Variants in NELL1 observed in about 807,000 individuals in gnomAD.
NELL1 encodes the protein neural EGFL like 1.
NELL1 carries 76 observed loss-of-function variants against 107.4 expected under a neutral mutation model. That is an observed-to-expected ratio of 0.71 (90% confidence interval 0.59 to 0.86). The LOEUF (loss-of-function observed/expected upper bound fraction) is 0.86. Among genes scored for constraint, NELL1 ranks in the 40% least tolerant of loss-of-function variants. The probability of loss-of-function intolerance (pLI) is 0.00; values close to 1 mark genes in which losing one functional copy is unlikely to be tolerated. For synonymous variants in NELL1, 353 were observed against 341.2 expected, an observed-to-expected ratio of 1.03 and a Z score of -0.38; for missense variants, 1,024 against 1,005.5, an observed-to-expected ratio of 1.02 and a Z score of -0.25.
chr11:21,188,731 G>T (rs964713878), intron 13 of NELL1, among the ~76,000 whole-genome samples: 1 of 151,944 alleles, frequency 6.6e-6, no homozygotes, highest in Admixed American at 6.5e-5. Context: ...CCATTTACCT[G>T]CTCTGAAGTG....
chr11:21,045,285 A>C (rs1853328714), intron 12 of NELL1, among the ~76,000 whole-genome samples: 1 of 152,124 alleles, frequency 6.6e-6, no homozygotes, highest in Non-Finnish European at 1.5e-5. Flanking sequence ...TGGTTATGAT[A>C]AGGCGAGGGT....
At chr11:21,245,200 A>G (rs1342197283) in intron 14 of NELL1, among the ~76,000 whole-genome samples, 1 of 152,034 alleles carries the variant, frequency 6.6e-6, no homozygotes, top group East Asian at 1.9e-4. Flanking sequence ...AACTAAAACT[A>G]CTCATAGTTT....
intron 3 of NELL1, among the ~76,000 whole-genome samples, chr11:20,811,014 T>C (rs1446421001): frequency 6.6e-6 from 1 of 152,210 alleles, no homozygotes; most frequent in East Asian, 1.9e-4. Flanking sequence ...ACAATCCTAT[T>C]TGTCTGTTTG....
chr11:21,276,491 C>A (rs1177410724), intron 14 of NELL1, among the ~76,000 whole-genome samples: 2 of 152,152 alleles, frequency 1.3e-5, no homozygotes, highest in African/African-American at 4.8e-5. Flanking sequence ...TTTATAGATT[C>A]AGTGCCATCA....
intron 13 of NELL1, among the ~76,000 whole-genome samples, chr11:21,177,867 A>T (rs546914422): frequency 4.0e-5 from 6 of 151,898 alleles, no homozygotes; most frequent in Non-Finnish European, 8.8e-5. Flanking sequence ...CTGGTGATTC[A>T]TGATGTTGAA....
intron 14 of NELL1, among the ~76,000 whole-genome samples, chr11:21,336,674 T>TACACACACACACACAC (rs1555005791): frequency 6.1e-5 from 8 of 130,510 alleles, no homozygotes; most frequent in East Asian, 2.3e-4. Context: ...TATATATATA[T>TACACACACACACACAC]ACACACACAC....
At chr11:21,186,768 A>T (rs1856943919) in intron 13 of NELL1, among the ~76,000 whole-genome samples, 1 of 151,922 alleles carries the variant, frequency 6.6e-6, no homozygotes, top group South Asian at 2.1e-4. Flanking sequence ...GAGGTCTAAA[A>T]TTTTCTAAAT....
chr11:21,058,970 A>G (rs1853673536), intron 12 of NELL1, among the ~76,000 whole-genome samples: 1 of 152,182 alleles, frequency 6.6e-6, no homozygotes, highest in Non-Finnish European at 1.5e-5. Context: ...ATTGCATTGA[A>G]TATGGACTCA....
At chr11:21,369,892 T>A (rs1443162633) in intron 14 of NELL1, among the ~76,000 whole-genome samples, 2 of 152,056 alleles carry the variant, frequency 1.3e-5, no homozygotes, top group African/African-American at 4.8e-5. Flanking sequence ...CAGAACAACC[T>A]GTAAAATGTA....
At chr11:21,265,170 G>T (rs138599297) in intron 14 of NELL1, among the ~76,000 whole-genome samples, 342 of 152,070 alleles carry the variant, frequency 2.2e-3, no homozygotes, top group African/African-American at 8.0e-3. Flanking sequence ...TCACTTTCGT[G>T]AGTAGACTAT....
At chr11:21,439,141 C>A (rs1201455179) in intron 15 of NELL1, among the ~76,000 whole-genome samples, 1 of 151,678 alleles carries the variant, frequency 6.6e-6, no homozygotes, top group East Asian at 2.0e-4. Flanking sequence ...GAATACTAGG[C>A]TATAGACAAG....
At chr11:21,569,095 G>A (rs975190285) in intron 17 of NELL1, among the ~76,000 whole-genome samples, 4 of 151,626 alleles carry the variant, frequency 2.6e-5, no homozygotes, top group Admixed American at 2.0e-4. Context: ...ATTACATAAT[G>A]GCTGCGATGT....
chr11:20,932,668 A>C (rs1206046422), intron 9 of NELL1, among the ~76,000 whole-genome samples: 2 of 152,204 alleles, frequency 1.3e-5, no homozygotes, highest in Admixed American at 6.5e-5. Context: ...CCCATTTTAC[A>C]CATGAGGAGG....
At chr11:21,229,553 A>C in intron 14 of NELL1, 99 bp downstream of exon 14, 1 of 1,490,540 alleles carries the variant, frequency 6.7e-7, no homozygotes, top group African/African-American at 1.4e-5. Flanking sequence ...GGTGGAACAC[A>C]GCCAGGGTTC....
chr11:21,035,030 C>G (rs533871817), intron 12 of NELL1, among the ~76,000 whole-genome samples: 1 of 152,110 alleles, frequency 6.6e-6, no homozygotes, highest in Non-Finnish European at 1.5e-5. Context: ...TTCAAATAAA[C>G]ACAATCAGAA....
intron 15 of NELL1, among the ~76,000 whole-genome samples, chr11:21,484,545 T>C (rs1263331798): frequency 2.6e-5 from 4 of 152,042 alleles, no homozygotes; most frequent in African/African-American, 9.7e-5. Flanking sequence ...AGAATATATA[T>C]GTAGGCTTGT....
At chr11:20,973,011 C>G (rs528156304) in intron 12 of NELL1, among the ~76,000 whole-genome samples, 154 of 151,554 alleles carry the variant, frequency 1.0e-3, no homozygotes, top group Non-Finnish European at 1.6e-3. Flanking sequence ...AAATCAAACT[C>G]TAATGGCTGA....
chr11:21,268,239 G>A (rs1205935622), intron 14 of NELL1, among the ~76,000 whole-genome samples: 1 of 152,144 alleles, frequency 6.6e-6, no homozygotes, highest in Non-Finnish European at 1.5e-5. Flanking sequence ...CATAGGGTCG[G>A]AGGATGGCGA....
chr11:20,861,983 AT>A (rs1564938373), intron 4 of NELL1, among the ~76,000 whole-genome samples: 3 of 152,208 alleles, frequency 2.0e-5, no homozygotes, highest in Non-Finnish European at 2.9e-5. Context: ...GGCTGAAACT[AT>A]AAGGATATAT....
Sources: gnomAD v4.1 joint callset for allele counts (sites outside exome capture counted in the v4.1 genomes callset) on GRCh38, gnomAD v4.1.1 for gene constraint, MANE v1.5 for transcripts, NCBI Gene and HGNC (gene_info 2026-07-23, HGNC 2026-07-21) for gene names.